Variants in LMTK2 observed in about 807,000 individuals in gnomAD.
The protein encoded by LMTK2 is lemur tail kinase 2.
Under a neutral mutation model 127.5 loss-of-function variants are expected in LMTK2, and 37 were observed. The ratio of observed to expected loss-of-function variants is 0.29; its 90% CI spans 0.22 to 0.38. The LOEUF (loss-of-function observed/expected upper bound fraction) is 0.38, where lower values mean the gene tolerates loss of function less well. LMTK2 is among the 10% of genes least tolerant of loss of function. The probability of loss-of-function intolerance (pLI) is 1.00; values close to 1 mark genes in which losing one functional copy is unlikely to be tolerated. For missense variants in LMTK2, 1,694 were observed against 1,920.3 expected (o/e 0.88, Z 2.20); for synonymous variants, 819 against 810.1 (o/e 1.01, Z -0.19).
Position 98,191,957 on chromosome 7 carries a change from T to C in LMTK2, c.1492T>C (p.Leu498=). The change falls in exon 11 of 14, where the codon TTG becomes CTG. Residue 498 remains leucine, a synonymous_variant. Transcript: ENST00000297293. The part of the protein sequence containing the change: ...ERSRGHLDEG[L]SYTSIFYPVE... The stretch of plus-strand genomic sequence containing the variant: ...CAGCCGGGGCCACCTGGACGAAGGC[T>C]TGTCCTACACGAGCATCTTCTATCC... 3 of 1,614,172 alleles carry C rather than the reference T, an allele frequency of 1.9e-6. No homozygotes were observed. The highest frequency in any genetic ancestry group is 2.5e-6 in the Non-Finnish European group (3 of 1,180,018).
intron 3 of LMTK2, among the ~76,000 whole-genome samples, chr7:98,150,922 A>G (rs951669741): frequency 2.0e-5 from 3 of 152,220 alleles, no homozygotes; most frequent in Non-Finnish European, 4.4e-5. Flanking sequence ...TATTTAGGTA[A>G]TGGTTTCACA....
chr7:98,107,317 C>T (rs1796124319), intron 1 of LMTK2, 37 bp downstream of exon 1: 3 of 1,096,976 alleles, frequency 2.7e-6, no homozygotes, highest in Non-Finnish European at 3.4e-6. Context: ...GCTGCGGGGT[C>T]TTCGGCGTGG....
At chr7:98,169,028 T>C (rs958922213) in intron 6 of LMTK2, among the ~76,000 whole-genome samples, 2 of 152,148 alleles carry the variant, frequency 1.3e-5, no homozygotes, top group African/African-American at 4.8e-5. Context: ...ATGAATCAAA[T>C]TTTAGTACTT....
At position 98,194,359 on chromosome 7, in the gene LMTK2, G is replaced by A; in HGVS notation, c.3894G>A (p.Leu1298=). 1 of 1,614,148 alleles carries A rather than the reference G, an allele frequency of 6.2e-7. No individual in the cohort carries two copies. The highest frequency in any genetic ancestry group is 1.7e-5 in the Admixed American group (1 of 60,022). Residue 1298 remains leucine, a synonymous_variant, in exon 11 of 14, where the codon CTG becomes CTA. Coordinates refer to ENST00000297293, the MANE Select transcript of LMTK2 (RefSeq NM_014916.4). This position sits in a 1 kb window ranked among gnomAD's most constrained non-coding sequence, Gnocchi z 5.4. ...ACAGCGACGACTCGGACGAGGACCTGCGGGCCTTCAACCTGCATAGCCTCA... is the reference window on the plus strand; with the variant it reads ...ACAGCGACGACTCGGACGAGGACCTACGGGCCTTCAACCTGCATAGCCTCA... ...DENSDDSDED[L]RAFNLHSLSS...
intron 1 of LMTK2, among the ~76,000 whole-genome samples, chr7:98,121,164 G>A (rs910843249): frequency 8.5e-5 from 13 of 152,184 alleles, no homozygotes; most frequent in African/African-American, 3.1e-4. Flanking sequence ...GAACCGCATT[G>A]TGCTTTAAAG....
At chr7:98,167,272 A>G (rs530799936) in intron 6 of LMTK2, among the ~76,000 whole-genome samples, 1 of 152,374 alleles carries the variant, frequency 6.6e-6, no homozygotes, top group East Asian at 1.9e-4. Context: ...TCTAGGTTTT[A>G]GAGACACAAT....
intron 11 of LMTK2, among the ~76,000 whole-genome samples, chr7:98,198,167 C>T (rs1486662571): frequency 2.0e-5 from 3 of 147,558 alleles, no homozygotes; most frequent in Non-Finnish European, 4.5e-5. Context: ...TCTAGAAAAG[C>T]TTAGAATTCG....
At chr7:98,187,120 GGT>G in intron 9 of LMTK2, 122 bp downstream of exon 9, 1 of 894,412 alleles carries the variant, frequency 1.1e-6, no homozygotes, top group Non-Finnish European at 1.7e-6. Flanking sequence ...AGTATCTGAT[GGT>G]GTGAAAAAGA....
At chr7:98,128,159 G>A (rs1006474697) in intron 1 of LMTK2, among the ~76,000 whole-genome samples, 4 of 151,960 alleles carry the variant, frequency 2.6e-5, no homozygotes, top group Admixed American at 6.6e-5. Flanking sequence ...AAATAAATAA[G>A]TAAATAAATA....
chr7:98,171,711 C>G lies in LMTK2; in HGVS notation c.791+37C>G. ...CGTCAGCGGTGCACGCCCCACACAG[C>G]ACCGGCGGGACAGTCCAGAGAGGCT... is the stretch of plus-strand genomic sequence containing the variant. On this transcript the variant is annotated intron_variant, in intron 7 of 13. Transcript: ENST00000297293. The surrounding 1 kb of genome is among the most constrained non-coding windows in gnomAD (Gnocchi z 5.1). 1 of 1,528,056 alleles carries G rather than the reference C, an allele frequency of 6.5e-7. No individual in the cohort carries two copies. The highest frequency in any genetic ancestry group is 1.4e-5 in the African/African-American group (1 of 72,654). 94.7% of individuals were successfully genotyped at this position (1,528,056 alleles called of 1,614,324 possible).
intron 7 of LMTK2, among the ~76,000 whole-genome samples, chr7:98,178,654 CTGT>C (rs1341580638): frequency 5.3e-5 from 8 of 152,212 alleles, no homozygotes; most frequent in Non-Finnish European, 1.0e-4. Flanking sequence ...AGAGTTCCCT[CTGT>C]TGTTAAGAAG....
At chr7:98,149,526 T>C (rs58034163) in intron 3 of LMTK2, among the ~76,000 whole-genome samples, 8,090 of 152,292 alleles carry the variant, frequency 0.053, 635 homozygotes, top group East Asian at 0.36. Context: ...GTTAATTCGA[T>C]AGAGGTGCAG....
chr7:98,136,463 C>G (rs1283960845), intron 1 of LMTK2, among the ~76,000 whole-genome samples: 1 of 152,168 alleles, frequency 6.6e-6, no homozygotes, highest in Non-Finnish European at 1.5e-5. Flanking sequence ...AAGTTTCTTC[C>G]CCTGATATTA....
intron 9 of LMTK2, among the ~76,000 whole-genome samples, chr7:98,187,816 C>T (rs1341422169): frequency 3.9e-5 from 6 of 151,996 alleles, no homozygotes; most frequent in Non-Finnish European, 8.8e-5. Flanking sequence ...TGGCTGGTCT[C>T]GAACTCCTGA....
chr7:98,191,017 A>C, intron 10 of LMTK2, 140 bp downstream of exon 10: 2 of 807,538 alleles, frequency 2.5e-6, no homozygotes, highest in African/African-American at 1.7e-5. Context: ...GAACTACTTA[A>C]TGTGGTTGGC....
intron 2 of LMTK2, among the ~76,000 whole-genome samples, chr7:98,140,944 C>T (rs940937619): frequency 1.3e-5 from 2 of 151,566 alleles, no homozygotes; most frequent in African/African-American, 4.9e-5. Flanking sequence ...GTGGTCCCAG[C>T]TACTCGGGAG....
At chr7:98,196,011 G>A (rs543011230) in intron 11 of LMTK2, among the ~76,000 whole-genome samples, 2 of 152,164 alleles carry the variant, frequency 1.3e-5, no homozygotes, top group East Asian at 1.9e-4. Context: ...GCAACATGGC[G>A]AAACCCCATC....
intron 1 of LMTK2, among the ~76,000 whole-genome samples, chr7:98,127,762 C>T (rs1796463761): frequency 6.6e-6 from 1 of 152,174 alleles, no homozygotes; most frequent in South Asian, 2.1e-4. Flanking sequence ...ACCCCAAATA[C>T]CCTGATGTGG....
intron 6 of LMTK2, among the ~76,000 whole-genome samples, chr7:98,170,940 C>T (rs148345935): frequency 3.0e-4 from 46 of 152,220 alleles, no homozygotes; most frequent in Admixed American, 4.6e-4. Context: ...GGCTTGTTAA[C>T]GTGGTGAGTT....
Sources: allele counts gnomAD v4.1 joint callset (sites outside exome capture counted in the v4.1 genomes callset), GRCh38; gene constraint gnomAD v4.1.1; non-coding constraint Gnocchi (gnomAD v3.1); transcripts MANE v1.5; gene names NCBI Gene and HGNC (gene_info 2026-07-23, HGNC 2026-07-21).